The following TOP1MT variants were observed in gnomAD, a reference collection of about 807,000 sequenced individuals.
TOP1MT encodes DNA topoisomerase I mitochondrial.
A neutral mutation model predicts 73.9 loss-of-function variants in TOP1MT; 80 were observed. The ratio of observed to expected loss-of-function variants is 1.08; its 90% CI spans 0.90 to 1.30. The LOEUF (loss-of-function observed/expected upper bound fraction) is 1.30. TOP1MT is among the 50% of genes most tolerant of loss of function. TOP1MT has a pLI of 0.00. For missense variants in TOP1MT, 815 were observed against 808.0 expected (o/e 1.01, Z -0.10); for synonymous variants, 338 against 326.4 (o/e 1.04, Z -0.38).
rs997340161 is a variant in TOP1MT, at chr8:143,344,145, C to G, written c.-39+771G>C. On this transcript the variant is annotated intron_variant, in intron 1 of 5. Coordinates refer to the TOP1MT transcript ENST00000518007. The surrounding 1 kb of genome is among the most constrained non-coding windows in gnomAD (Gnocchi z 4.6). Reference sequence around the variant, plus strand: ...GGATTTCATGTGGAATCTAGGCCCTCAAGGATGGGGCCCTCAAAGATGACA... The same window carrying G: ...GGATTTCATGTGGAATCTAGGCCCTGAAGGATGGGGCCCTCAAAGATGACA... 1 of 152,202 alleles carries G rather than the reference C, an allele frequency of 6.6e-6. No homozygotes were observed. Among genetic ancestry groups the G allele is most frequent in the African/African-American group, 2.4e-5 (1 of 41,454 alleles). The allele number at this position is 152,202 out of a possible 1,614,324, so 9.4% of individuals were successfully genotyped here. A position where few individuals can be genotyped will look rare whatever the true frequency, so the allele number is the denominator to read the frequency against.
chr8:143,334,786 G>C lies in TOP1MT; in HGVS notation c.76C>G (p.Arg26Gly), dbSNP rs377607364. The C allele has an allele frequency of 6.3e-7, 1 of 1,588,678 alleles. No individual in the cohort carries two copies. Among genetic ancestry groups the C allele is most frequent in the African/African-American group, 1.4e-5 (1 of 71,464 alleles). Residue 26 changes from arginine (R) to glycine (G), a missense_variant, in exon 1 of 14, where the codon CGG becomes GGG. Coordinates refer to ENST00000329245, the MANE Select transcript of TOP1MT (RefSeq NM_052963.3). ...GTCCTGCGCGAGCCCGGGACACCCC[G>C]GGAGGCCGGGCGGCGGGGGACCTCC... The part of the protein sequence containing the change: ...LGEVPRRPAS[R>G]GVPGSRRTQK...
At chr8:143,335,557 G>A (rs1379834309), upstream of TOP1MT, among the ~76,000 whole-genome samples, 1 of 152,210 alleles carries the variant, frequency 6.6e-6, no homozygotes, top group South Asian at 2.1e-4. Context: ...TTTAACCCCA[G>A]TGTCTTCACT....
At chr8:143,353,518 C>T (rs1267526442) in intron 1 of TOP1MT, among the ~76,000 whole-genome samples, 1 of 151,810 alleles carries the variant, frequency 6.6e-6, no homozygotes, top group East Asian at 1.9e-4. Context: ...TATCACTAAT[C>T]ACTAGGGAAA....
At chr8:143,321,783 C>CCACACGCACGCCACA (rs1816396296) in intron 7 of TOP1MT, among the ~76,000 whole-genome samples, 6 of 81,826 alleles carry the variant, frequency 7.3e-5, no homozygotes, top group African/African-American at 3.3e-4. Context: ...CACACGCACG[C>CCACACGCACGCCACA]CACACACGCA....
At chr8:143,333,464 A>T (rs567329246) in intron 1 of TOP1MT, among the ~76,000 whole-genome samples, 14 of 152,202 alleles carry the variant, frequency 9.2e-5, no homozygotes, top group Admixed American at 3.3e-4. Context: ...ATAATAATAA[A>T]AATAAAAATA....
intron 3 of TOP1MT, chr8:143,328,164 G>A (rs1816755488): frequency 1.1e-5 from 5 of 438,518 alleles, no homozygotes; most frequent in Non-Finnish European, 1.8e-5. Flanking sequence ...TCTGATAATG[G>A]ACTTAAAACA....
intron 12 of TOP1MT, among the ~76,000 whole-genome samples, chr8:143,312,343 C>G (rs1816035368): frequency 1.3e-5 from 2 of 152,188 alleles, no homozygotes; most frequent in African/African-American, 4.8e-5. Context: ...AAACTGAATC[C>G]AGCAATAGAC....
At chr8:143,338,664 G>C (rs1038830508), upstream of TOP1MT, among the ~76,000 whole-genome samples, 1 of 152,184 alleles carries the variant, frequency 6.6e-6, no homozygotes, top group African/African-American at 2.4e-5. Context: ...CCTGTAAAAA[G>C]ATGCTCAAAA....
At chr8:143,353,945 C>CA (rs1336071649) in intron 1 of TOP1MT, among the ~76,000 whole-genome samples, 1 of 92,036 alleles carries the variant, frequency 1.1e-5, no homozygotes, top group Non-Finnish European at 1.9e-5. Flanking sequence ...GCCTGGGCGA[C>CA]AAAGAGAGAC....
intron 7 of TOP1MT, among the ~76,000 whole-genome samples, chr8:143,322,376 GCCACACACGCACGCCACACACATGCTCA>G (rs1317661673): frequency 3.2e-5 from 2 of 62,738 alleles, no homozygotes; most frequent in Non-Finnish European, 6.2e-5. Context: ...ACACAGGCAC[GCCACACACGCACGCCACACACATGCTCA>G]CCACACACGC....
intron 10 of TOP1MT, among the ~76,000 whole-genome samples, 162 bp from the exon 11 acceptor site, chr8:143,316,288 G>A (rs1480491408): frequency 6.6e-6 from 1 of 152,194 alleles, no homozygotes; most frequent in Admixed American, 6.5e-5. Context: ...ACCCTCCAAG[G>A]TGGCCTCGAG....
At chr8:143,349,710 G>A (rs903083938), upstream of TOP1MT, among the ~76,000 whole-genome samples, 4 of 150,088 alleles carry the variant, frequency 2.7e-5, no homozygotes, top group South Asian at 2.1e-4. Flanking sequence ...GCATGATTTC[G>A]GCTCACTGCA....
upstream of TOP1MT, among the ~76,000 whole-genome samples, chr8:143,346,430 AC>A (rs751109372): frequency 3.3e-5 from 5 of 152,208 alleles, no homozygotes; most frequent in Admixed American, 1.3e-4. Context: ...CCAAGATCTC[AC>A]AAAATGATTT....
intron 8 of TOP1MT, among the ~76,000 whole-genome samples, chr8:143,319,177 C>T (rs1563755889): frequency 1.3e-5 from 2 of 152,322 alleles, no homozygotes; most frequent in East Asian, 1.9e-4. Context: ...TGCCTGAGGC[C>T]GGGCCCTGCC....
At chr8:143,359,483 G>A, upstream of TOP1MT, 1 of 958,672 alleles carries the variant, frequency 1.0e-6, no homozygotes, top group Non-Finnish European at 1.2e-6. Flanking sequence ...GACCGGCACC[G>A]CTGGCCAGGT....
chr8:143,322,063 C>A (rs1260261303), intron 7 of TOP1MT, among the ~76,000 whole-genome samples: 1 of 92,000 alleles, frequency 1.1e-5, no homozygotes, highest in African/African-American at 3.6e-5. Flanking sequence ...CACAGGCACG[C>A]CACACACGCA....
At chr8:143,318,471 CTG>C (rs997629343) in intron 8 of TOP1MT, among the ~76,000 whole-genome samples, 29 of 152,340 alleles carry the variant, frequency 1.9e-4, no homozygotes, top group African/African-American at 6.3e-4. Flanking sequence ...TTCGGGGTTC[CTG>C]TGTCCAACCT....
In TOP1MT at chr8:143,319,446, C is replaced by T. The variant is rs533710134; in HGVS notation, c.1147-1360G>A. ...AGGTGTCTGGACTACAGGTGTGGGCCTTGCGCCCAGCCTGAGTCACATTTG... is the reference window on the plus strand; with the variant it reads ...AGGTGTCTGGACTACAGGTGTGGGCTTTGCGCCCAGCCTGAGTCACATTTG... On this transcript the variant is annotated intron_variant, in intron 8 of 13. Coordinates refer to ENST00000329245, the MANE Select transcript of TOP1MT (RefSeq NM_052963.3). Among the ~76,000 whole-genome samples the T allele has an allele frequency of 7.9e-5, 12 of 152,278 alleles. No individual in the cohort carries two copies. The East Asian group carries it at 2.1e-3, about 27-fold the overall frequency.
intron 1 of TOP1MT, chr8:143,332,608 G>C (rs555664027): frequency 4.0e-5 from 51 of 1,273,454 alleles, no homozygotes; most frequent in Non-Finnish European, 5.2e-5. Context: ...GGGTCTGAGA[G>C]GGGAAAGCAT....
Sources: allele counts gnomAD v4.1 joint callset (sites outside exome capture counted in the v4.1 genomes callset), GRCh38; gene constraint gnomAD v4.1.1; non-coding constraint Gnocchi (gnomAD v3.1); transcripts MANE v1.5; gene names NCBI Gene and HGNC (gene_info 2026-07-23, HGNC 2026-07-21).